LRRIQ1: variants seen among roughly 807,000 people sequenced by gnomAD.
LRRIQ1 encodes leucine rich repeats and IQ motif containing 1.
LRRIQ1 carries 210 observed loss-of-function variants against 211.9 expected under a neutral mutation model. The ratio of observed to expected loss-of-function variants is 0.99; its 90% CI spans 0.89 to 1.11. The LOEUF (loss-of-function observed/expected upper bound fraction) is 1.11, where lower values mean the gene tolerates loss of function less well. Among genes scored for constraint, LRRIQ1 ranks in the 50% most tolerant of loss-of-function variants. The pLI, the probability that LRRIQ1 is intolerant of heterozygous loss-of-function variation, is 0.00. For synonymous variants in LRRIQ1, 699 were observed against 650.1 expected (o/e 1.08, Z -1.14); for missense variants, 2,136 against 1,939.5 (o/e 1.10, Z -1.90).
intron 24 of LRRIQ1, among the ~76,000 whole-genome samples, chr12:85,215,298 T>G (rs556753925): frequency 1.3e-4 from 20 of 152,274 alleles, no homozygotes; most frequent in Non-Finnish European, 2.8e-4. Context: ...CAAGCAACAC[T>G]CATAGATATT....
chr12:85,166,716 G>A (rs1428594644), intron 24 of LRRIQ1, among the ~76,000 whole-genome samples: 1 of 152,194 alleles, frequency 6.6e-6, no homozygotes. Context: ...CAGGGCATAT[G>A]CAGGCAACAA....
downstream of LRRIQ1, among the ~76,000 whole-genome samples, chr12:85,250,061 A>T (rs1023553839): frequency 6.6e-6 from 1 of 151,762 alleles, no homozygotes; most frequent in Admixed American, 6.6e-5. Flanking sequence ...AATATTCTAG[A>T]TACCTAGAAC....
intron 25 of LRRIQ1, among the ~76,000 whole-genome samples, chr12:85,230,941 C>CG (rs1192326537): frequency 2.0e-5 from 3 of 151,640 alleles, no homozygotes; most frequent in Admixed American, 6.6e-5. Context: ...CCCAGCTACT[C>CG]GGAGGCTGAG....
chr12:85,124,255 T>C lies in LRRIQ1; in HGVS notation c.3743T>C (p.Val1248Ala). Residue 1248 changes from valine (V) to alanine (A), a missense_variant, in exon 17 of 27, where the codon GTC becomes GCC. Coordinates refer to ENST00000393217, the MANE Select transcript of LRRIQ1 (RefSeq NM_001079910.2). ...AGTGACAGCACTCTGCAAAATGGAG[T>C]CTTCTACTCTTGTGCACGTGAAGGT... Reference protein sequence around the residue: ...TNSDSTLQNGVFYSCAREGEP... With the variant: ...TNSDSTLQNGAFYSCAREGEP... 1.9e-6 allele frequency: 3 copies of C among 1,613,342 alleles called. No individual in the cohort carries two copies. The highest frequency in any genetic ancestry group is 1.7e-6 in the Non-Finnish European group (2 of 1,179,840).
intron 7 of LRRIQ1, among the ~76,000 whole-genome samples, chr12:85,053,077 A>G (rs1365616393): frequency 6.6e-6 from 1 of 152,160 alleles, no homozygotes; most frequent in Non-Finnish European, 1.5e-5. Flanking sequence ...TTGATTGGAC[A>G]TAGCAGATGA....
intron 24 of LRRIQ1, among the ~76,000 whole-genome samples, chr12:85,162,458 C>T (rs1890936455): frequency 6.6e-6 from 1 of 151,916 alleles, no homozygotes; most frequent in Non-Finnish European, 1.5e-5. Flanking sequence ...AAAGAACTGC[C>T]TAGGAAGAAA....
At chr12:85,058,913 T>C (rs1262884817) in intron 8 of LRRIQ1, among the ~76,000 whole-genome samples, 2 of 151,994 alleles carry the variant, frequency 1.3e-5, no homozygotes, top group African/African-American at 4.8e-5. Context: ...AAAGCAACTA[T>C]CTCAAGCTTT....
intron 8 of LRRIQ1, among the ~76,000 whole-genome samples, chr12:85,063,033 ACTT>A (rs1289157976): frequency 1.3e-5 from 2 of 151,720 alleles, no homozygotes; most frequent in East Asian, 3.9e-4. Context: ...TTCTTTGCCC[ACTT>A]CTTCATGGGG....
At chr12:85,055,004 A>T (rs1356021921) in intron 7 of LRRIQ1, among the ~76,000 whole-genome samples, 1 of 152,114 alleles carries the variant, frequency 6.6e-6, no homozygotes, top group Non-Finnish European at 1.5e-5. Flanking sequence ...GTTATCAACT[A>T]TTTTGATCAT....
At chr12:85,168,179 G>C (rs567864162) in intron 24 of LRRIQ1, among the ~76,000 whole-genome samples, 54 of 152,200 alleles carry the variant, frequency 3.5e-4, no homozygotes, top group African/African-American at 9.4e-4. Context: ...TTTTTATCTG[G>C]AGGAGTGAAC....
At chr12:85,271,254 CGTT>C in the LRRIQ1 span, among the ~76,000 whole-genome samples, 2 of 152,080 alleles carry the variant, frequency 1.3e-5, no homozygotes, top group Non-Finnish European at 2.9e-5. Context: ...CTGTAACACA[CGTT>C]GTTCAGTGCA....
At chr12:85,082,837 A>AC (rs1344826440) in intron 11 of LRRIQ1, among the ~76,000 whole-genome samples, 1 of 152,112 alleles carries the variant, frequency 6.6e-6, no homozygotes, top group African/African-American at 2.4e-5. Flanking sequence ...TTGCCCTGGA[A>AC]CATAAGTTTG....
At chr12:85,064,098 A>G (rs1882156116) in intron 8 of LRRIQ1, among the ~76,000 whole-genome samples, 1 of 151,844 alleles carries the variant, frequency 6.6e-6, no homozygotes, top group Admixed American at 6.6e-5. Context: ...TGTTTGAGGA[A>G]TCTCCAAACT....
intron 24 of LRRIQ1, among the ~76,000 whole-genome samples, chr12:85,209,821 T>G (rs74932891): frequency 3.3e-5 from 5 of 152,096 alleles, no homozygotes; most frequent in African/African-American, 4.8e-5. Context: ...AAAAATACAA[T>G]TACCCTCATT....
At chr12:85,143,807 CTG>C (rs2136603817) in intron 19 of LRRIQ1, among the ~76,000 whole-genome samples, 1 of 151,502 alleles carries the variant, frequency 6.6e-6, no homozygotes, top group African/African-American at 2.4e-5. Flanking sequence ...AATGCAATAC[CTG>C]GATCACTTGC....
rs746005573 is a variant in LRRIQ1 at position 85,121,922 on chromosome 12, A to G, written c.3557+46A>G. 2.1e-5 allele frequency: 29 copies of G among 1,404,382 alleles called. No individual in the cohort carries two copies. In the South Asian group the frequency reaches 4.2e-4, roughly 20 times the overall value. 87.0% of individuals were successfully genotyped at this position (1,404,382 alleles called of 1,614,324 possible). A position where few individuals can be genotyped will look rare whatever the true frequency, so the allele number is the denominator to read the frequency against. On this transcript the variant is annotated intron_variant, in intron 16 of 26. Coordinates refer to ENST00000393217, the MANE Select transcript of LRRIQ1 (RefSeq NM_001079910.2). ...TTGATGTATTTAGAATCAATAATGT[A>G]ATTTATAAATGTGATTTTAAAGTAT... is the stretch of plus-strand genomic sequence containing the variant.
Position 85,127,895 on chromosome 12 carries a change from C to A in LRRIQ1, c.4071C>A (p.Phe1357Leu), listed in dbSNP as rs1002344582. 6.2e-6 allele frequency: 10 copies of A among 1,613,872 alleles called. No homozygotes were observed. The highest frequency in any genetic ancestry group is 1.7e-5 in the Admixed American group (1 of 59,982). ...RGYLMRRQTHFSTRLHTAATE... is the reference protein window; with the variant it reads ...RGYLMRRQTHLSTRLHTAATE... ...ACCTCATGCGCAGACAGACTCATTTCTCCACAAGGCTACATACTGCTGCAA... is the reference window on the plus strand; with the variant it reads ...ACCTCATGCGCAGACAGACTCATTTATCCACAAGGCTACATACTGCTGCAA... Residue 1357 changes from phenylalanine to leucine, a missense_variant, in exon 18 of 27, where the codon TTC (phenylalanine) becomes TTA (leucine). Transcript: ENST00000393217.
Position 85,082,091 on chromosome 12 carries a change from T to C in LRRIQ1, c.2887+8993T>C, listed in dbSNP as rs546100610. ...GTAGATCCTTTACATTTTTCTCTAG[T>C]AAGAAAATTGGTAGGTGGGAAACTC... On this transcript the variant is annotated intron_variant, in intron 11 of 26. Transcript: ENST00000393217. Among the ~76,000 whole-genome samples the C allele has an allele frequency of 5.3e-5, 8 of 152,260 alleles. No individual in the cohort carries two copies. In the East Asian group the frequency reaches 1.3e-3, roughly 26 times the overall value.
rs185692337 is a variant in LRRIQ1, at chr12:85,090,025, G to A, written c.2888-8330G>A. ...GCCCCACTGCCCTGTGTGGCCACAGGATACTGCTCCCCACATCCCGGCTGC... is the reference window on the plus strand; with the variant it reads ...GCCCCACTGCCCTGTGTGGCCACAGAATACTGCTCCCCACATCCCGGCTGC... On this transcript the variant is annotated intron_variant, in intron 11 of 26. Transcript: ENST00000393217. 5.3e-3 allele frequency among the ~76,000 whole-genome samples: 808 copies of A among 152,306 alleles called. 5 individuals carry two copies. Among genetic ancestry groups the A allele is most frequent in the Non-Finnish European group, 8.7e-3 (592 of 68,024 alleles).
Sources: allele counts gnomAD v4.1 joint callset (sites outside exome capture counted in the v4.1 genomes callset), GRCh38; gene constraint gnomAD v4.1.1; transcripts MANE v1.5; gene names NCBI Gene and HGNC (gene_info 2026-07-23, HGNC 2026-07-21).